TOLLIP: variants seen among roughly 807,000 people sequenced by gnomAD.
TOLLIP encodes toll interacting protein.
A neutral mutation model predicts 33.5 loss-of-function variants in TOLLIP; 16 were observed. The ratio of observed to expected loss-of-function variants is 0.48; its 90% CI spans 0.32 to 0.72. The LOEUF (loss-of-function observed/expected upper bound fraction) is 0.72, where lower values mean the gene tolerates loss of function less well. TOLLIP is among the 30% of genes least tolerant of loss of function. The pLI is 0.03. For missense variants in TOLLIP, 325 were observed against 396.6 expected (o/e 0.82, Z 1.53); for synonymous variants, 176 against 163.7 (o/e 1.07, Z -0.57).
chr11:1,301,094 G>A (rs1242003371), intron 1 of TOLLIP, among the ~76,000 whole-genome samples: 1 of 152,272 alleles, frequency 6.6e-6, no homozygotes, highest in Non-Finnish European at 1.5e-5. Context: ...ATGACTATGC[G>A]CTGAGCAGCG....
In TOLLIP at chr11:1,276,105, C is replaced by T. The variant is rs5744025; in HGVS notation, c.*934G>A. ...GCCACGCTCGCCAGGCTTTCCTCGCCCACGCTGAACCCACGTCCTGGGCAC... is the reference window on the plus strand; with the variant it reads ...GCCACGCTCGCCAGGCTTTCCTCGCTCACGCTGAACCCACGTCCTGGGCAC... On this transcript the variant is annotated 3_prime_UTR_variant, in exon 6 of 6. Transcript: ENST00000317204. 1,861 of 152,506 alleles carry T rather than the reference C, an allele frequency of 0.012. 22 individuals are homozygous for T. The highest frequency in any genetic ancestry group is 0.027 in the Middle Eastern group (8 of 296). 9.4% of individuals were successfully genotyped at this position (152,506 alleles called of 1,614,324 possible).
At chr11:1,302,487 G>T in intron 1 of TOLLIP, 1 of 815,562 alleles carries the variant, frequency 1.2e-6, no homozygotes, top group African/African-American at 1.9e-5. Context: ...CCAAAATAAG[G>T]CTAGAAGGAA....
intron 5 of TOLLIP, among the ~76,000 whole-genome samples, chr11:1,281,477 C>T (rs3793965): frequency 0.42 from 63,874 of 152,036 alleles, 13,521 homozygotes; most frequent in South Asian, 0.48. Flanking sequence ...TCAGACACCA[C>T]GGGAGGCTCT....
chr11:1,309,467 G>T lies in TOLLIP; in HGVS notation c.32C>A (p.Pro11Gln). The change falls in exon 1 of 6, where the codon CCG (proline) becomes CAG (glutamine). Residue 11 changes from proline (P) to glutamine (Q), a missense_variant and splice_region_variant. Physicochemically the swap from Pro to Gln is moderately conservative, Grantham distance 76. Coordinates refer to ENST00000317204, the MANE Select transcript of TOLLIP (RefSeq NM_019009.4). ...CCGACCCTCGCCCGGCTGCCTCACC[G>T]GCCCGCGCTGAGTGCTGACGGTGGT... The part of the protein sequence containing the change: MATTVSTQRG[P>Q]VYIGELPQDF... The T allele has an allele frequency of 7.5e-7, 1 of 1,329,566 alleles. No individual in the cohort carries two copies. The highest frequency in any genetic ancestry group is 9.7e-7 in the Non-Finnish European group (1 of 1,034,328). 82.4% of individuals were successfully genotyped at this position (1,329,566 alleles called of 1,614,324 possible). A position where few individuals can be genotyped will look rare whatever the true frequency, so the allele number is the denominator to read the frequency against.
At position 1,289,282 on chromosome 11, in the gene TOLLIP, G is replaced by A. The variant is rs532609674; in HGVS notation, c.367-506C>T. On this transcript the variant is annotated intron_variant, in intron 3 of 5. Coordinates refer to ENST00000317204, the MANE Select transcript of TOLLIP (RefSeq NM_019009.4). ...AGGTAGGGACGGGGAGAGAAAAGCC[G>A]GGAGGAAAAGGCAGGGCCCAGGCAG... Among the ~76,000 whole-genome samples the A allele has an allele frequency of 2.4e-4, 36 of 152,280 alleles. 1 individual carries two copies. The South Asian group carries it at 5.2e-3, about 22-fold the overall frequency.
chr11:1,279,417 G>C (rs1215396574), intron 5 of TOLLIP, among the ~76,000 whole-genome samples: 2 of 152,240 alleles, frequency 1.3e-5, no homozygotes, highest in Non-Finnish European at 2.9e-5. Context: ...CGGGAACGGT[G>C]AGCGTATGTG....
intron 1 of TOLLIP, among the ~76,000 whole-genome samples, chr11:1,307,864 T>C (rs909380966): frequency 2.0e-5 from 3 of 152,186 alleles, no homozygotes; most frequent in Non-Finnish European, 2.9e-5. Context: ...AAAGCAGCTA[T>C]GCCCAAAACC....
chr11:1,283,625 C>T (rs1471580352), intron 5 of TOLLIP: 2 of 451,532 alleles, frequency 4.4e-6, no homozygotes, highest in African/African-American at 2.0e-5. Flanking sequence ...CAAAGTTTGT[C>T]TAGCCTTTCC....
rs573618573 is a variant in TOLLIP, at chr11:1,288,927, G to A, written c.367-151C>T. 75 of 800,744 alleles carry A rather than the reference G, an allele frequency of 9.4e-5. No individual in the cohort carries two copies. In the East Asian group the frequency reaches 9.8e-4, roughly 10 times the overall value. 49.6% of individuals were successfully genotyped at this position (800,744 alleles called of 1,614,324 possible). A position where few individuals can be genotyped will look rare whatever the true frequency, so the allele number is the denominator to read the frequency against. Reference sequence around the variant, plus strand: ...CAACACCCCATCGATGAGACCCCTCGGGCAGCGCAGGCTTCACGATCGTAT... The same window carrying A: ...CAACACCCCATCGATGAGACCCCTCAGGCAGCGCAGGCTTCACGATCGTAT... On this transcript the variant is annotated intron_variant, in intron 3 of 5. Transcript: ENST00000317204.
intron 2 of TOLLIP, chr11:1,291,690 G>A (rs1452981287): frequency 4.3e-5 from 7 of 162,532 alleles, no homozygotes; most frequent in South Asian, 2.3e-4. Flanking sequence ...CTGAGGGCAC[G>A]GCCGCCCCGT....
chr11:1,285,925 G>A (rs1271503408), intron 5 of TOLLIP, 77 bp downstream of exon 5: 13 of 1,203,378 alleles, frequency 1.1e-5, no homozygotes, highest in African/African-American at 3.0e-5. Context: ...TCTAAGCCCC[G>A]TTCCCTCCTC....
intron 1 of TOLLIP, among the ~76,000 whole-genome samples, chr11:1,297,547 T>C (rs1257712087): frequency 2.0e-5 from 3 of 152,252 alleles, no homozygotes; most frequent in Non-Finnish European, 4.4e-5. Context: ...CGCTCTTCTC[T>C]AAAAAGCAAA....
chr11:1,299,739 C>T (rs935838520), intron 1 of TOLLIP, among the ~76,000 whole-genome samples: 7 of 152,246 alleles, frequency 4.6e-5, no homozygotes, highest in Admixed American at 2.0e-4. Flanking sequence ...CCAACAATTC[C>T]ACTTCAGGAG....
In TOLLIP at chr11:1,286,092, G is replaced by C; in HGVS notation, c.520C>G (p.Leu174Val). 1 of 1,593,730 alleles carries C rather than the reference G, an allele frequency of 6.3e-7. No individual in the cohort carries two copies. Among genetic ancestry groups the C allele is most frequent in the East Asian group, 2.3e-5 (1 of 44,222 alleles). The change falls in exon 5 of 6, where the codon CTG (leucine) becomes GTG (valine). Residue 174 changes from leucine to valine, a missense_variant and splice_region_variant. Coordinates refer to ENST00000317204, the MANE Select transcript of TOLLIP (RefSeq NM_019009.4). The stretch of plus-strand genomic sequence containing the variant: ...GGCATCACCATGGCAGCTGGAAGCA[G>C]CTGAAACACAGCGGAGATGGTCCCG... ...GMINLVMSYA[L>V]LPAAMVMPPQ...
Position 1,275,667 on chromosome 11 carries a change from G to C in TOLLIP, c.*1372C>G, listed in dbSNP as rs764361038. ...TTACAAAAATAAATATTTATCAACA[G>C]TATATTTGACAAAAACCACCCCCAA... On this transcript the variant is annotated 3_prime_UTR_variant, in exon 6 of 6. Transcript: ENST00000317204. The C allele has an allele frequency of 6.6e-6, 1 of 152,188 alleles. No homozygotes were observed. The highest frequency in any genetic ancestry group is 2.4e-5 in the African/African-American group (1 of 41,430). The allele number at this position is 152,188 out of a possible 1,614,324, so 9.4% of individuals were successfully genotyped here. A position where few individuals can be genotyped will look rare whatever the true frequency, so the allele number is the denominator to read the frequency against.
rs1017465451 is a variant in TOLLIP, at chr11:1,276,848, C to T, written c.*191G>A. On this transcript the variant is annotated 3_prime_UTR_variant, in exon 6 of 6. Transcript: ENST00000317204. ...CGAGATGGGAGGGGAGCCCCCGCCC[C>T]GTCCTGGACCGCCAGGAACCGAAAA... 6 of 1,533,180 alleles carry T rather than the reference C, an allele frequency of 3.9e-6. No individual in the cohort carries two copies. The highest frequency in any genetic ancestry group is 1.2e-5 in the South Asian group (1 of 83,462). 95.0% of individuals were successfully genotyped at this position (1,533,180 alleles called of 1,614,324 possible). A position where few individuals can be genotyped will look rare whatever the true frequency, so the allele number is the denominator to read the frequency against.
At chr11:1,308,460 T>G (rs1864478202) in intron 1 of TOLLIP, among the ~76,000 whole-genome samples, 1 of 152,186 alleles carries the variant, frequency 6.6e-6, no homozygotes, top group Non-Finnish European at 1.5e-5. Context: ...GGGAGCCAAT[T>G]AAATCTCTTT....
At position 1,309,536 on chromosome 11, in the gene TOLLIP, G is replaced by C. The variant is rs763034319; in HGVS notation, c.-38C>G. On this transcript the variant is annotated 5_prime_UTR_variant, in exon 1 of 6. Coordinates refer to ENST00000317204, the MANE Select transcript of TOLLIP (RefSeq NM_019009.4). Reference sequence around the variant, plus strand: ...GCCCCCGTGGCTCGCCGACCCGACAGTGACGCGCCGGGCGACCTCCTGCGC... The same window carrying C: ...GCCCCCGTGGCTCGCCGACCCGACACTGACGCGCCGGGCGACCTCCTGCGC... 32 of 1,267,032 alleles carry C rather than the reference G, an allele frequency of 2.5e-5. 1 individual carries two copies. The South Asian group carries it at 6.5e-4, about 26-fold the overall frequency. 78.5% of individuals were successfully genotyped at this position (1,267,032 alleles called of 1,614,324 possible).
intron 5 of TOLLIP, among the ~76,000 whole-genome samples, chr11:1,281,796 T>C (rs774377465): frequency 4.6e-5 from 7 of 152,228 alleles, no homozygotes; most frequent in Non-Finnish European, 1.0e-4. Flanking sequence ...CTTGAAACTG[T>C]GGGCGACACA....
Sources: allele counts gnomAD v4.1 joint callset (sites outside exome capture counted in the v4.1 genomes callset), GRCh38; gene constraint gnomAD v4.1.1; transcripts MANE v1.5; gene names NCBI Gene and HGNC (gene_info 2026-07-23, HGNC 2026-07-21).